RANBP17: variants seen among roughly 807,000 people sequenced by gnomAD.
RANBP17 encodes ran-binding protein 17.
RANBP17 carries 158 observed loss-of-function variants against 141.2 expected under a neutral mutation model. The observed-to-expected ratio is 1.12, with a 90% CI of 0.98 to 1.28. The LOEUF (loss-of-function observed/expected upper bound fraction) is 1.28. Ranked by LOEUF, RANBP17 falls within the 50% of genes most tolerant of loss-of-function variation. The pLI is 0.00. For synonymous variants in RANBP17, 430 were observed against 450.0 expected (o/e 0.96, Z 0.56); for missense variants, 1,438 against 1,290.7 (o/e 1.11, Z -1.75).
chr5:171,266,206 T>A (rs889056730), intron 25 of RANBP17, among the ~76,000 whole-genome samples: 1 of 152,198 alleles, frequency 6.6e-6, no homozygotes, highest in African/African-American at 2.4e-5. Flanking sequence ...GCCTTATGAA[T>A]ACTCCGGTAT....
intron 14 of RANBP17, among the ~76,000 whole-genome samples, chr5:171,078,215 C>G (rs557035360): frequency 6.6e-6 from 1 of 150,846 alleles, no homozygotes; most frequent in African/African-American, 2.4e-5. Context: ...TCACTGCAAC[C>G]TCTGCCTCCT....
At chr5:171,003,073 T>G (rs1301740342) in intron 14 of RANBP17, among the ~76,000 whole-genome samples, 2 of 152,176 alleles carry the variant, frequency 1.3e-5, no homozygotes, top group African/African-American at 4.8e-5. Context: ...TGAGGGCCTC[T>G]GAAAGTATTA....
At chr5:171,189,854 C>A (rs1761508550) in intron 18 of RANBP17, among the ~76,000 whole-genome samples, 1 of 151,874 alleles carries the variant, frequency 6.6e-6, no homozygotes, top group Non-Finnish European at 1.5e-5. Context: ...TGATAGTTTT[C>A]TATTGTGTGT....
At chr5:171,157,575 A>C (rs1758997420) in intron 14 of RANBP17, among the ~76,000 whole-genome samples, 1 of 152,250 alleles carries the variant, frequency 6.6e-6, no homozygotes, top group African/African-American at 2.4e-5. Flanking sequence ...ACAATGTGGC[A>C]ACATATTTGC....
intron 24 of RANBP17, 63 bp from the exon 25 acceptor site, chr5:171,265,618 A>G: frequency 1.5e-6 from 2 of 1,373,262 alleles, no homozygotes; most frequent in Non-Finnish European, 2.0e-6. Context: ...TGGAGCCGTT[A>G]GAAAATCAAA....
chr5:171,272,290 T>C (rs1767171232), intron 25 of RANBP17, among the ~76,000 whole-genome samples: 1 of 152,202 alleles, frequency 6.6e-6, no homozygotes. Context: ...CAGACCCCTG[T>C]GACATGTGGT....
chr5:171,141,651 A>G (rs1379237564), intron 14 of RANBP17, among the ~76,000 whole-genome samples: 1 of 150,148 alleles, frequency 6.7e-6, no homozygotes, highest in African/African-American at 2.4e-5. Context: ...AAGTGAAGAT[A>G]TATACTTTGA....
intron 14 of RANBP17, among the ~76,000 whole-genome samples, chr5:171,005,813 C>T (rs1393247729): frequency 1.3e-5 from 2 of 152,160 alleles, no homozygotes; most frequent in Non-Finnish European, 2.9e-5. Context: ...AGGCAACCTA[C>T]AGAATGGGGG....
intron 14 of RANBP17, among the ~76,000 whole-genome samples, chr5:170,972,813 C>G (rs138365903): frequency 6.6e-6 from 1 of 152,048 alleles, no homozygotes; most frequent in Non-Finnish European, 1.5e-5. Flanking sequence ...TTCCTCTCCC[C>G]CAGCCAGGGT....
intron 12 of RANBP17, among the ~76,000 whole-genome samples, chr5:170,949,821 A>G (rs577356094): frequency 6.6e-6 from 1 of 152,222 alleles, no homozygotes; most frequent in South Asian, 2.1e-4. Context: ...AAACAATCCA[A>G]GCTTCCATCA....
At chr5:171,040,284 A>T (rs1782170346) in intron 14 of RANBP17, among the ~76,000 whole-genome samples, 1 of 152,268 alleles carries the variant, frequency 6.6e-6, no homozygotes, top group South Asian at 2.1e-4. Context: ...ATTTCAATAG[A>T]TGGGGAAAAA....
intron 7 of RANBP17, among the ~76,000 whole-genome samples, chr5:170,911,720 A>G (rs1771542170): frequency 6.6e-6 from 1 of 151,960 alleles, no homozygotes; most frequent in Non-Finnish European, 1.5e-5. Flanking sequence ...AAGAGATGTC[A>G]ACATATCTTT....
intron 2 of RANBP17, among the ~76,000 whole-genome samples, chr5:170,879,817 G>A (rs1768511572): frequency 6.6e-6 from 1 of 152,088 alleles, no homozygotes; most frequent in South Asian, 2.1e-4. Context: ...TAAGGATATT[G>A]TTTCCAACAC....
intron 14 of RANBP17, among the ~76,000 whole-genome samples, chr5:171,112,757 G>C (rs1755333429): frequency 6.6e-6 from 1 of 151,810 alleles, no homozygotes; most frequent in Non-Finnish European, 1.5e-5. Context: ...TTCCTTTTAA[G>C]TATCTGCCTT....
intron 14 of RANBP17, among the ~76,000 whole-genome samples, chr5:171,119,911 T>C (rs556531931): frequency 2.0e-5 from 3 of 151,766 alleles, no homozygotes; most frequent in African/African-American, 7.3e-5. Flanking sequence ...TGGTGACACA[T>C]GCCTGTAATC....
chr5:171,238,491 C>G (rs540546445), intron 22 of RANBP17, among the ~76,000 whole-genome samples: 1 of 152,090 alleles, frequency 6.6e-6, no homozygotes, highest in Non-Finnish European at 1.5e-5. Flanking sequence ...TAGGACCTTT[C>G]CTTTCCCTCT....
In RANBP17 at chr5:171,242,792, A is replaced by G. The variant is rs749551459; in HGVS notation, c.2748A>G (p.Thr916=). 13 of 1,613,712 alleles carry G rather than the reference A, an allele frequency of 8.1e-6. No homozygotes were observed. In the Admixed American group the frequency reaches 8.3e-5, roughly 10 times the overall value. The change falls in exon 24 of 28, where the codon ACA becomes ACG. Residue 916 remains threonine, a synonymous_variant. Coordinates refer to ENST00000523189, the MANE Select transcript of RANBP17 (RefSeq NM_022897.5). ...CTCCTGTACTCATGTATGTTCTCAC[A>G]TCTATCTCAGAGGGACTCACTACTC... is the stretch of plus-strand genomic sequence containing the variant. ...LEPPVLMYVL[T]SISEGLTTLD... is the part of the protein sequence containing the mutation.
Position 170,917,391 on chromosome 5 carries a change from C to T in RANBP17, c.954+807C>T, listed in dbSNP as rs537266960. Among the ~76,000 whole-genome samples, 3 of 152,228 alleles carry T rather than the reference C, an allele frequency of 2.0e-5. No individual in the cohort carries two copies. In the East Asian group the frequency reaches 5.8e-4, roughly 29 times the overall value. On this transcript the variant is annotated intron_variant, in intron 9 of 27. Coordinates refer to ENST00000523189, the MANE Select transcript of RANBP17 (RefSeq NM_022897.5). The stretch of plus-strand genomic sequence containing the variant: ...TGCCAATATTCATTTCAGAGAATTG[C>T]AAAGCTGCTATTGAGTAATTTGGGT...
At chr5:170,957,506 G>A (rs1398123961) in intron 13 of RANBP17, among the ~76,000 whole-genome samples, 2 of 152,152 alleles carry the variant, frequency 1.3e-5, no homozygotes, top group Non-Finnish European at 2.9e-5. Context: ...GCAGACATGT[G>A]CTTAGGGATG....
Sources: allele counts gnomAD v4.1 joint callset (sites outside exome capture counted in the v4.1 genomes callset), GRCh38; gene constraint gnomAD v4.1.1; transcripts MANE v1.5; gene names NCBI Gene and HGNC (gene_info 2026-07-23, HGNC 2026-07-21).